The following LRRC18 variants were observed in gnomAD, a reference collection of about 807,000 sequenced individuals.
The protein encoded by LRRC18 is leucine rich repeat containing 18.
In LRRC18, 12 loss-of-function variants were observed where a neutral mutation model predicts 11.2. The observed-to-expected ratio is 1.07, with a 90% CI of 0.69 to 1.74. LRRC18 has a LOEUF of 1.74. Among genes scored for constraint, LRRC18 ranks in the 40% most tolerant of loss-of-function variants. LRRC18 has a pLI of 0.00. For synonymous variants in LRRC18, 155 were observed against 130.6 expected (o/e 1.19, Z -1.27); for missense variants, 374 against 330.5 (o/e 1.13, Z -1.02).
upstream of LRRC18, chr10:48,914,253 A>C: frequency 2.2e-6 from 3 of 1,345,606 alleles, no homozygotes; most frequent in Non-Finnish European, 3.0e-6. Flanking sequence ...ATAAGAAAAC[A>C]TCTGGTTAGG....
chr10:48,918,850 G>A (rs1268028924), upstream of LRRC18, among the ~76,000 whole-genome samples: 1 of 152,188 alleles, frequency 6.6e-6, no homozygotes, highest in Non-Finnish European at 1.5e-5. Flanking sequence ...GTTGCCAATA[G>A]CTGCCCACTA....
At chr10:48,920,267 CA>C in the LRRC18 span, among the ~76,000 whole-genome samples, 1 of 141,010 alleles carries the variant, frequency 7.1e-6, no homozygotes, top group African/African-American at 2.7e-5. Context: ...CTAGAGCGGA[CA>C]AAAAACCAAA....
the LRRC18 span, among the ~76,000 whole-genome samples, chr10:48,923,566 C>A: frequency 6.8e-6 from 1 of 146,442 alleles, no homozygotes; most frequent in South Asian, 2.2e-4. Flanking sequence ...ATCCCATGGG[C>A]CTAAACAATC....
At chr10:48,916,869 ATATGTGTG>A (rs1564483306), upstream of LRRC18, among the ~76,000 whole-genome samples, 2 of 102,958 alleles carry the variant, frequency 1.9e-5, no homozygotes, top group Non-Finnish European at 4.0e-5. Context: ...TGCTTTAAAA[ATATGTGTG>A]TGTGTGTGTG....
chr10:48,938,941 C>T, the LRRC18 span, among the ~76,000 whole-genome samples: 2 of 152,170 alleles, frequency 1.3e-5, no homozygotes, highest in African/African-American at 4.8e-5. Context: ...CCAATAAGGC[C>T]AGGCCGGGTA....
At chr10:48,930,553 A>G in the LRRC18 span, among the ~76,000 whole-genome samples, 1 of 152,296 alleles carries the variant, frequency 6.6e-6, no homozygotes. Context: ...GAAGCAAGGA[A>G]ACGGCTGGTA....
the LRRC18 span, among the ~76,000 whole-genome samples, chr10:48,920,172 A>G: frequency 6.6e-6 from 1 of 152,244 alleles, no homozygotes; most frequent in African/African-American, 2.4e-5. Context: ...TTGACAATGT[A>G]ACATCTGCTA....
chr10:48,917,254 T>C (rs1421176895), upstream of LRRC18, among the ~76,000 whole-genome samples: 1 of 152,218 alleles, frequency 6.6e-6, no homozygotes, highest in Non-Finnish European at 1.5e-5. Flanking sequence ...CATGTGCCTC[T>C]ATCTCTATCT....
At chr10:48,912,054 G>A (rs1359953270) in intron 1 of LRRC18, among the ~76,000 whole-genome samples, 1 of 152,132 alleles carries the variant, frequency 6.6e-6, no homozygotes, top group African/African-American at 2.4e-5. Context: ...GAAAGTCCTG[G>A]GGGAAAAAAG....
intron 1 of LRRC18, among the ~76,000 whole-genome samples, chr10:48,911,143 G>A (rs1026708142): frequency 1.4e-4 from 22 of 152,192 alleles, no homozygotes; most frequent in Non-Finnish European, 2.6e-4. Context: ...TGGCAGGCTA[G>A]CGGTGGCTCC....
chr10:48,912,128 C>T (rs2133482163), intron 1 of LRRC18, among the ~76,000 whole-genome samples: 2 of 152,290 alleles, frequency 1.3e-5, no homozygotes, highest in Middle Eastern at 3.4e-3. Context: ...GAGTGTGGTA[C>T]ACAGGGAGGC....
At chr10:48,927,789 A>G in the LRRC18 span, among the ~76,000 whole-genome samples, 1,948 of 152,336 alleles carry the variant, frequency 0.013, 41 homozygotes, top group African/African-American at 0.044. Flanking sequence ...ACAAAAGATT[A>G]TGCTTTCTTA....
the LRRC18 span, among the ~76,000 whole-genome samples, chr10:48,919,500 A>G: frequency 2.0e-5 from 3 of 152,218 alleles, no homozygotes; most frequent in African/African-American, 7.2e-5. Flanking sequence ...ATAACAAAGT[A>G]CCATAGACTA....
the LRRC18 span, among the ~76,000 whole-genome samples, chr10:48,927,571 C>A: frequency 6.6e-6 from 1 of 152,210 alleles, no homozygotes; most frequent in Non-Finnish European, 1.5e-5. Flanking sequence ...ATCAACCAAG[C>A]TCTAAGTGTC....
the LRRC18 span, among the ~76,000 whole-genome samples, chr10:48,920,308 T>C: frequency 3.3e-5 from 5 of 150,224 alleles, no homozygotes; most frequent in Admixed American, 1.3e-4. Context: ...TAGGTGGGAA[T>C]TGAACAATGA....
At chr10:48,939,146 A>G in the LRRC18 span, among the ~76,000 whole-genome samples, 2 of 152,200 alleles carry the variant, frequency 1.3e-5, no homozygotes, top group African/African-American at 4.8e-5. Flanking sequence ...TTCTAAGGTC[A>G]CTCAGAGGGG....
At chr10:48,932,023 G>T in the LRRC18 span, among the ~76,000 whole-genome samples, 4 of 152,212 alleles carry the variant, frequency 2.6e-5, no homozygotes, top group South Asian at 2.1e-4. Context: ...GAGCTGTGAG[G>T]CAAATAGAAG....
chr10:48,936,428 G>GA, the LRRC18 span, among the ~76,000 whole-genome samples: 13 of 151,804 alleles, frequency 8.6e-5, no homozygotes, highest in Non-Finnish European at 1.8e-4. Context: ...ATTTAAAATT[G>GA]AAATTAAATA....
In LRRC18 at chr10:48,914,131, T is replaced by C. The variant is rs777786128; in HGVS notation, c.25A>G (p.Lys9Glu). ...ACCTTGAGGGTGATCTTCTTGCCCT[T>C]GGGGCCTTTCTCACCCTTAACCATG... The change falls in exon 1 of 2, where the codon AAG (lysine) becomes GAG (glutamate). Residue 9 changes from lysine (K) to glutamate (E), a missense_variant. Transcript: ENST00000374160. The C allele has an allele frequency of 1.9e-6, 3 of 1,613,942 alleles. No individual in the cohort carries two copies. In the African/African-American group the frequency reaches 4.0e-5, roughly 22 times the overall value.
Sources: allele counts gnomAD v4.1 joint callset (sites outside exome capture counted in the v4.1 genomes callset), GRCh38; gene constraint gnomAD v4.1.1; transcripts MANE v1.5; gene names NCBI Gene and HGNC (gene_info 2026-07-23, HGNC 2026-07-21).